The following EGF variants were observed in gnomAD, a reference collection of about 807,000 sequenced individuals.
EGF encodes epidermal growth factor, also known as pro-epidermal growth factor.
EGF carries 95 observed loss-of-function variants against 143.8 expected under a neutral mutation model. The ratio of observed to expected loss-of-function variants is 0.66; its 90% CI spans 0.56 to 0.78. The LOEUF is 0.78. EGF is among the 30% of genes least tolerant of loss of function. The probability of loss-of-function intolerance (pLI) is 0.00; values close to 1 mark genes in which losing one functional copy is unlikely to be tolerated. For missense variants in EGF, 1,320 were observed against 1,470.9 expected (o/e 0.90, Z 1.68); for synonymous variants, 510 against 510.5 (o/e 1.00, Z 0.01).
At chr4:109,975,719 T>A (rs2126102763) in intron 12 of EGF, among the ~76,000 whole-genome samples, 1 of 152,370 alleles carries the variant, frequency 6.6e-6, no homozygotes, top group East Asian at 1.9e-4. Context: ...GCCTATTTAC[T>A]CATGACTATT....
intron 5 of EGF, 155 bp from the exon 6 acceptor site, chr4:109,959,157 G>C: frequency 8.4e-7 from 1 of 1,191,640 alleles, no homozygotes; most frequent in Middle Eastern, 2.0e-4. Context: ...GCTTCGGGAT[G>C]CTGGGGAATC....
intron 10 of EGF, among the ~76,000 whole-genome samples, chr4:109,967,473 G>A (rs11568969): frequency 0.018 from 2,681 of 152,190 alleles, 72 homozygotes; most frequent in African/African-American, 0.06. Flanking sequence ...GTACTATGGT[G>A]CCTTCAGCTT....
At chr4:110,004,478 T>G in intron 21 of EGF, 27 bp from the exon 22 acceptor site, 2 of 1,601,378 alleles carry the variant, frequency 1.2e-6, no homozygotes, top group Non-Finnish European at 1.7e-6. Context: ...TGTTGTGAGA[T>G]TGTCTCAAAT....
chr4:109,968,969 A>T lies in EGF; in HGVS notation c.1576-2A>T. On this transcript the variant is annotated splice_acceptor_variant, in intron 10 of 23. Coordinates refer to ENST00000265171, the MANE Select transcript of EGF (RefSeq NM_001963.6). LOFTEE classifies it high-confidence loss of function. ...CAGAAATGCCTGTGTTCTCTTTTGT[A>T]GATATACTTTGCCCATACAGCCCTG... The T allele has an allele frequency of 2.5e-6, 4 of 1,614,116 alleles. No homozygotes were observed. The highest frequency in any genetic ancestry group is 3.4e-6 in the Non-Finnish European group (4 of 1,180,002).
rs879387941 is a variant in EGF, at chr4:109,959,259, G to T, written c.941-53G>T. Reference sequence around the variant, plus strand: ...TTAAGAATCAGGAAAAGATTTAGCAGTGTCCTCTGTCAAAACACGGCCCCA... The same window carrying T: ...TTAAGAATCAGGAAAAGATTTAGCATTGTCCTCTGTCAAAACACGGCCCCA... On this transcript the variant is annotated intron_variant, in intron 5 of 23. Transcript: ENST00000265171. 13 of 1,611,734 alleles carry T rather than the reference G, an allele frequency of 8.1e-6. No homozygotes were observed. The Admixed American group carries it at 2.2e-4, about 27-fold the overall frequency.
chr4:109,980,122 A>G lies in EGF; in HGVS notation c.2204A>G (p.His735Arg). 1 of 1,610,384 alleles carries G rather than the reference A, an allele frequency of 6.2e-7. No homozygotes were observed. The highest frequency in any genetic ancestry group is 2.2e-5 in the East Asian group (1 of 44,816). ...AAGCCCTCATCACTGGTTGTGGTTC[A>G]TCCATTGGCAAAACCAGGTACATAC... is the stretch of plus-strand genomic sequence containing the variant. Reference protein sequence around the residue: ...MLKPSSLVVVHPLAKPGADPC... With the variant: ...MLKPSSLVVVRPLAKPGADPC... Residue 735 changes from histidine (H) to arginine (R), a missense_variant, in exon 14 of 24, where the codon CAT (histidine) becomes CGT (arginine). By Grantham distance (29) the His-to-Arg change is conservative (BLOSUM62 0). This residue lies in a region of EGF where 1,186 missense variants were observed against 1,313.7 expected (regional missense o/e 0.90). Transcript: ENST00000265171.
chr4:109,920,325 C>A (rs1184441856), intron 1 of EGF, among the ~76,000 whole-genome samples: 2 of 151,622 alleles, frequency 1.3e-5, no homozygotes, highest in Non-Finnish European at 2.9e-5. Context: ...GCAAACAAAA[C>A]AATTAAAGAC....
In EGF at chr4:110,008,145, T is replaced by A. The variant is rs200524686; in HGVS notation, c.3292-7T>A. ...TATCCTCTCTCCCTCCTTTTTGTTG[T>A]CTGCAGTTTGTGGTTATAAAAGAAC... On this transcript the variant is annotated splice_region_variant and splice_polypyrimidine_tract_variant and intron_variant, in intron 22 of 23. Coordinates refer to ENST00000265171, the MANE Select transcript of EGF (RefSeq NM_001963.6). 1 of 1,613,486 alleles carries A rather than the reference T, an allele frequency of 6.2e-7. No individual in the cohort carries two copies. Among genetic ancestry groups the A allele is most frequent in the South Asian group, 1.1e-5 (1 of 91,070 alleles).
Position 110,006,146 on chromosome 4 carries a change from C to T in EGF, c.3291+1524C>T, listed in dbSNP as rs533649771. On this transcript the variant is annotated intron_variant, in intron 22 of 23. Transcript: ENST00000265171. Reference sequence around the variant, plus strand: ...TGAGGCCAGGAGCTTGGGACCAGCCCGGACAATATAGCAAGATCATATTTC... The same window carrying T: ...TGAGGCCAGGAGCTTGGGACCAGCCTGGACAATATAGCAAGATCATATTTC... Among the ~76,000 whole-genome samples, 14 of 151,732 alleles carry T rather than the reference C, an allele frequency of 9.2e-5. 1 individual carries two copies. Among genetic ancestry groups the T allele is most frequent in the South Asian group, 8.4e-4 (4 of 4,784 alleles).
At chr4:109,949,024 C>A (rs1274356633) in intron 5 of EGF, among the ~76,000 whole-genome samples, 3 of 152,142 alleles carry the variant, frequency 2.0e-5, no homozygotes, top group Non-Finnish European at 2.9e-5. Context: ...TTACTTCTTG[C>A]AAAATGCCTA....
chr4:109,980,472 C>T (rs1189408871), intron 14 of EGF, among the ~76,000 whole-genome samples: 1 of 152,154 alleles, frequency 6.6e-6, no homozygotes, highest in Non-Finnish European at 1.5e-5. Context: ...GAGGAGTGAG[C>T]AAATGGAAAA....
intron 19 of EGF, among the ~76,000 whole-genome samples, chr4:109,994,237 G>A (rs1261464734): frequency 6.6e-6 from 1 of 152,124 alleles, no homozygotes; most frequent in African/African-American, 2.4e-5. Context: ...CTACAGTCTT[G>A]TCCTTGAGGG....
intron 20 of EGF, 94 bp downstream of exon 20, chr4:109,994,974 T>C (rs1279957766): frequency 6.6e-7 from 1 of 1,511,766 alleles, no homozygotes; most frequent in Non-Finnish European, 9.1e-7. Context: ...GATGTTTTTC[T>C]GCAATTAGGT....
At chr4:109,937,163 G>T (rs1740973709) in intron 1 of EGF, among the ~76,000 whole-genome samples, 1 of 152,086 alleles carries the variant, frequency 6.6e-6, no homozygotes, top group South Asian at 2.1e-4. Context: ...TTGTGTGGGA[G>T]TCTAAGTCTC....
intron 15 of EGF, among the ~76,000 whole-genome samples, chr4:109,981,551 C>A (rs1749358784): frequency 6.6e-6 from 1 of 152,156 alleles, no homozygotes; most frequent in Admixed American, 6.5e-5. Context: ...AATGTGCACC[C>A]AAACAATCTG....
At chr4:109,929,597 A>G (rs1235260119) in intron 1 of EGF, among the ~76,000 whole-genome samples, 2 of 152,154 alleles carry the variant, frequency 1.3e-5, no homozygotes, top group African/African-American at 4.8e-5. Flanking sequence ...TTCAGTTTAC[A>G]TGTAAATGTG....
intron 11 of EGF, among the ~76,000 whole-genome samples, chr4:109,970,780 G>C (rs187588059): frequency 2.2e-5 from 3 of 134,024 alleles, no homozygotes; most frequent in Admixed American, 8.3e-5. Flanking sequence ...AGCGGAGATC[G>C]CACCACTGCA....
intron 5 of EGF, among the ~76,000 whole-genome samples, chr4:109,952,018 C>T (rs944868618): frequency 6.6e-6 from 1 of 151,998 alleles, no homozygotes; most frequent in Non-Finnish European, 1.5e-5. Context: ...TACTTCTCCC[C>T]GGCTGTCCGA....
chr4:109,976,035 G>A lies in EGF; in HGVS notation c.1853G>A (p.Gly618Glu), dbSNP rs866358449. ...AGGAGATTATTCTGGACTGATACAG[G>A]GATTAATCCACGAATTGAAAGTTCT... Reference protein sequence around the residue: ...MAKRLFWTDTGINPRIESSSL... With the variant: ...MAKRLFWTDTEINPRIESSSL... The change falls in exon 13 of 24, where the codon GGG becomes GAG. Residue 618 changes from glycine to glutamate, a missense_variant. Physicochemically the swap from Gly to Glu is moderately conservative, Grantham distance 98. Transcript: ENST00000265171. 1 of 1,613,916 alleles carries A rather than the reference G, an allele frequency of 6.2e-7. No individual in the cohort carries two copies. Among genetic ancestry groups the A allele is most frequent in the Admixed American group, 1.7e-5 (1 of 60,020 alleles).
Sources: gnomAD v4.1 joint callset for allele counts (sites outside exome capture counted in the v4.1 genomes callset) on GRCh38, gnomAD v4.1.1 for gene constraint, gnomAD v4.1.1 regional missense constraint, MANE v1.5 for transcripts, NCBI Gene and HGNC (gene_info 2026-07-23, HGNC 2026-07-21) for gene names.